The following FUZ variants were observed in gnomAD, a reference collection of about 807,000 sequenced individuals.
The protein encoded by FUZ is protein fuzzy homolog.
A neutral mutation model predicts 43.1 loss-of-function variants in FUZ; 31 were observed. That is an observed-to-expected ratio of 0.72 (90% CI 0.54 to 0.97). The LOEUF (loss-of-function observed/expected upper bound fraction) is 0.97. FUZ is among the 50% of genes least tolerant of loss of function. FUZ has a pLI of 0.00. For synonymous variants in FUZ, 274 were observed against 250.0 expected, an observed-to-expected ratio of 1.10 and a Z score of -0.91; for missense variants, 539 against 543.8, an observed-to-expected ratio of 0.99 and a Z score of 0.09.
chr19:49,811,248 G>T, intron 5 of FUZ, 115 bp downstream of exon 5: 1 of 737,574 alleles, frequency 1.4e-6, no homozygotes, highest in Non-Finnish European at 2.5e-6. Flanking sequence ...GTGGGGATAG[G>T]ACTGGAAGCT....
rs1326141309 is a variant in FUZ, at chr19:49,807,391, G to A, written c.1034-17C>T. ...GCCCTGGCTCTGGAGAAAGAACAGGGGGCACTGACATGACAAGTAGCATGC... is the reference window on the plus strand; with the variant it reads ...GCCCTGGCTCTGGAGAAAGAACAGGAGGCACTGACATGACAAGTAGCATGC... On this transcript the variant is annotated splice_polypyrimidine_tract_variant and intron_variant, in intron 10 of 10. Transcript: ENST00000313777. 1 of 1,603,094 alleles carries A rather than the reference G, an allele frequency of 6.2e-7. No homozygotes were observed. Among genetic ancestry groups the A allele is most frequent in the Non-Finnish European group, 8.5e-7 (1 of 1,174,562 alleles).
chr19:49,808,941 A>T (rs941237584), intron 7 of FUZ, 118 bp from the exon 8 acceptor site: 11 of 922,858 alleles, frequency 1.2e-5, no homozygotes, highest in Non-Finnish European at 1.7e-5. Flanking sequence ...CTGCAAGAAG[A>T]GTGGAGGGCG....
At position 49,809,765 on chromosome 19, in the gene FUZ, C is replaced by T. The variant is rs1441801905; in HGVS notation, c.493-190G>A. 3.1e-6 allele frequency: 2 copies of T among 638,760 alleles called. No homozygotes were observed. Among genetic ancestry groups the T allele is most frequent in the African/African-American group, 3.6e-5 (2 of 55,474 alleles). 39.6% of individuals were successfully genotyped at this position (638,760 alleles called of 1,614,324 possible). A position where few individuals can be genotyped will look rare whatever the true frequency, so the allele number is the denominator to read the frequency against. Reference sequence around the variant, plus strand: ...TTCATACGAAGTCACATCCCCAACTCACACTGTGAAGTCTGTGAAATCTGA... The same window carrying T: ...TTCATACGAAGTCACATCCCCAACTTACACTGTGAAGTCTGTGAAATCTGA... On this transcript the variant is annotated intron_variant, in intron 5 of 10. Transcript: ENST00000313777. This position sits in a 1 kb window ranked among gnomAD's most constrained non-coding sequence, Gnocchi z 5.1.
At position 49,808,039 on chromosome 19, in the gene FUZ, C is replaced by T. The variant is rs74590950; in HGVS notation, c.1033+375G>A. 2,809 of 369,680 alleles carry T rather than the reference C, an allele frequency of 7.6e-3. 14 individuals carry two copies. The highest frequency in any genetic ancestry group is 0.014 in the Middle Eastern group (15 of 1,068). 22.9% of individuals were successfully genotyped at this position (369,680 alleles called of 1,614,324 possible). On this transcript the variant is annotated intron_variant, in intron 10 of 10. Coordinates refer to ENST00000313777, the MANE Select transcript of FUZ (RefSeq NM_025129.5). ...CAAGATCCCCTGTGTTCAAATATGG[C>T]TCTGCCACTCATGAGCTGAGCCTCA... is the stretch of plus-strand genomic sequence containing the variant.
chr19:49,808,371 G>A lies in FUZ; in HGVS notation c.1033+43C>T, dbSNP rs1209171896. 4 of 1,585,198 alleles carry A rather than the reference G, an allele frequency of 2.5e-6. No individual in the cohort carries two copies. The Admixed American group carries it at 5.3e-5, about 21-fold the overall frequency. ...CCCATTTTGTGCGACCTGGGACTCA[G>A]TGTCCCCGCCTGCGCAGTGGGAGCA... On this transcript the variant is annotated intron_variant, in intron 10 of 10. Coordinates refer to ENST00000313777, the MANE Select transcript of FUZ (RefSeq NM_025129.5).
At position 49,806,977 on chromosome 19, in the gene FUZ, C is replaced by A. The variant is rs767090213; in HGVS notation, c.*174G>T. The A allele has an allele frequency of 3.1e-5, 47 of 1,530,336 alleles. 1 individual carries two copies. Among genetic ancestry groups the A allele is most frequent in the South Asian group, 2.2e-4 (18 of 83,078 alleles). 94.8% of individuals were successfully genotyped at this position (1,530,336 alleles called of 1,614,324 possible). ...GGAGTCCCCCTCCCTCCCTTTCCCCCCCAAGCACAGAGGGGAGAGGGGCCA... is the reference window on the plus strand; with the variant it reads ...GGAGTCCCCCTCCCTCCCTTTCCCCACCAAGCACAGAGGGGAGAGGGGCCA... On this transcript the variant is annotated 3_prime_UTR_variant, in exon 11 of 11. Transcript: ENST00000313777.
In FUZ at chr19:49,809,083, T is replaced by C. The variant is rs540071352; in HGVS notation, c.786+80A>G. ...AGGCGGGGCTGGGGAAAGATGCCGC[T>C]GGCAGGGCAGGGTGGTGGGGAAGGG... On this transcript the variant is annotated intron_variant, in intron 7 of 10. Transcript: ENST00000313777. This position sits in a 1 kb window ranked among gnomAD's most constrained non-coding sequence, Gnocchi z 5.1. 454 of 1,335,102 alleles carry C rather than the reference T, an allele frequency of 3.4e-4. 2 individuals are homozygous for C. The East Asian group carries it at 0.01, about 30-fold the overall frequency. The allele number at this position is 1,335,102 out of a possible 1,614,324, so 82.7% of individuals were successfully genotyped here. A position where few individuals can be genotyped will look rare whatever the true frequency, so the allele number is the denominator to read the frequency against.
chr19:49,811,702 A>C lies in FUZ; in HGVS notation c.319-3T>G, dbSNP rs891241885. Reference sequence around the variant, plus strand: ...TCTTCAAGTCCCACAAGAAGGACCTAGAAGAATCATATAGGAGAGGATGGG... The same window carrying C: ...TCTTCAAGTCCCACAAGAAGGACCTCGAAGAATCATATAGGAGAGGATGGG... On this transcript the variant is annotated splice_region_variant and splice_polypyrimidine_tract_variant and intron_variant, in intron 3 of 10. Coordinates refer to ENST00000313777, the MANE Select transcript of FUZ (RefSeq NM_025129.5). The C allele has an allele frequency of 6.2e-7, 1 of 1,613,060 alleles. No homozygotes were observed. Among genetic ancestry groups the C allele is most frequent in the South Asian group, 1.1e-5 (1 of 91,056 alleles).
In FUZ at chr19:49,809,667, C is replaced by A; in HGVS notation, c.493-92G>T. 2 of 1,341,498 alleles carry A rather than the reference C, an allele frequency of 1.5e-6. No homozygotes were observed. Among genetic ancestry groups the A allele is most frequent in the South Asian group, 1.3e-5 (1 of 79,488 alleles). 83.1% of individuals were successfully genotyped at this position (1,341,498 alleles called of 1,614,324 possible). A position where few individuals can be genotyped will look rare whatever the true frequency, so the allele number is the denominator to read the frequency against. Reference sequence around the variant, plus strand: ...GATGGGCAGGGAATGGGGAGAAACCCACAGCCAGCCCCGAGCTCGCGCAGT... The same window carrying A: ...GATGGGCAGGGAATGGGGAGAAACCAACAGCCAGCCCCGAGCTCGCGCAGT... On this transcript the variant is annotated intron_variant, in intron 5 of 10. Transcript: ENST00000313777. The surrounding 1 kb of genome is among the most constrained non-coding windows in gnomAD (Gnocchi z 5.1).
rs753787459 is a variant in FUZ at position 49,807,225 on chromosome 19, A to ACAG, written c.1180_1182dup (p.Leu394dup). ...AGCCCATGGGTGGGACTCTGGGGAG[A>ACAG]CAGCAGCAGCAGCAGCCGCCGAAGC... On this transcript the variant is annotated inframe_insertion, in exon 11 of 11. Transcript: ENST00000313777. 34 of 1,610,178 alleles carry ACAG rather than the reference A, an allele frequency of 2.1e-5. No homozygotes were observed. Among genetic ancestry groups the ACAG allele is most frequent in the East Asian group, 2.3e-5 (1 of 44,210 alleles).
At chr19:49,812,838 C>A in intron 1 of FUZ, 102 bp from the exon 2 acceptor site, 1 of 1,481,834 alleles carries the variant, frequency 6.7e-7, no homozygotes, top group Non-Finnish European at 9.4e-7. Flanking sequence ...TTCCATATGA[C>A]CTGGCAGTGC....
chr19:49,808,780 G>T lies in FUZ; in HGVS notation c.830C>A (p.Ala277Asp). Reference protein sequence around the residue: ...WWQPLLDPLRACLPLGPRALP... With the variant: ...WWQPLLDPLRDCLPLGPRALP... ...CGCCCGGGGTCCCAACGGCAGACAG[G>T]CCCGCAACGGGTCCAGCAGTGGCTG... Residue 277 changes from alanine (A) to aspartate (D), a missense_variant, in exon 8 of 11, where the codon GCC becomes GAC. Physicochemically the swap from Ala to Asp is moderately radical, Grantham distance 126. Transcript: ENST00000313777. 6.4e-7 allele frequency: 1 copy of T among 1,562,594 alleles called. No homozygotes were observed. The highest frequency in any genetic ancestry group is 8.7e-7 in the Non-Finnish European group (1 of 1,153,550).
At chr19:49,810,580 G>A (rs893718295) in intron 5 of FUZ, among the ~76,000 whole-genome samples, 1 of 150,988 alleles carries the variant, frequency 6.6e-6, no homozygotes, top group Non-Finnish European at 1.5e-5. Flanking sequence ...TCGGGAGGTT[G>A]AGGCAGGGGA....
rs2123799583 is a variant in FUZ at position 49,808,842 on chromosome 19, T to C, written c.787-19A>G. 5 of 1,538,358 alleles carry C rather than the reference T, an allele frequency of 3.3e-6. No homozygotes were observed. The highest frequency in any genetic ancestry group is 2.6e-6 in the Non-Finnish European group (3 of 1,143,806). ...CCAGAAGCTGCAGGGGGCGTGGTCATTGTGAGGTCGTCATGGGAAGGCGGG... is the reference window on the plus strand; with the variant it reads ...CCAGAAGCTGCAGGGGGCGTGGTCACTGTGAGGTCGTCATGGGAAGGCGGG... On this transcript the variant is annotated intron_variant, in intron 7 of 10. Coordinates refer to ENST00000313777, the MANE Select transcript of FUZ (RefSeq NM_025129.5).
chr19:49,811,636 A>G lies in FUZ; in HGVS notation c.382T>C (p.Leu128=), dbSNP rs1378134205. The G allele has an allele frequency of 1.9e-6, 3 of 1,613,992 alleles. No homozygotes were observed. Among genetic ancestry groups the G allele is most frequent in the Admixed American group, 3.3e-5 (2 of 60,006 alleles). Residue 128 remains leucine, a synonymous_variant, in exon 4 of 11, where the codon TTG becomes CTG. Transcript: ENST00000313777. ...CTCATGTCCTGCAACCTCACCCTCA[A>G]GTCCTTCTTCAGTCTCTCCACGTTG... ...IRNVERLKKD[L]RASYCLIDSF...
In FUZ at chr19:49,807,349, T is replaced by A. The variant is rs746783193; in HGVS notation, c.1059A>T (p.Glu353Asp). The A allele has an allele frequency of 6.2e-7, 1 of 1,613,364 alleles. No homozygotes were observed. The highest frequency in any genetic ancestry group is 8.5e-7 in the Non-Finnish European group (1 of 1,179,872). Residue 353 changes from glutamate to aspartate, a missense_variant, in exon 11 of 11, where the codon GAA becomes GAT. Glu to Asp is a conservative substitution (Grantham distance 45). Coordinates refer to ENST00000313777, the MANE Select transcript of FUZ (RefSeq NM_025129.5). Reference protein sequence around the residue: ...PPEPGPPEKTEDEVYQAQLPR... With the variant: ...PPEPGPPEKTDDEVYQAQLPR... The stretch of plus-strand genomic sequence containing the variant: ...GCAGCTGGGCCTGGTAGACCTCATC[T>A]TCTGTCTTCTCTGGTGGCCCTGGCT...
upstream of FUZ, chr19:49,813,410 G>C (rs532897245): frequency 2.1e-6 from 1 of 469,500 alleles, no homozygotes; most frequent in African/African-American, 2.0e-5. Context: ...GAGGTAAAGA[G>C]AACCAAGAAG....
At chr19:49,807,662 C>T (rs2073463132) in intron 10 of FUZ, among the ~76,000 whole-genome samples, 1 of 152,166 alleles carries the variant, frequency 6.6e-6, no homozygotes, top group African/African-American at 2.4e-5. Flanking sequence ...GCGAACACGG[C>T]AGCAACACAG....
chr19:49,813,046 C>A lies in FUZ; in HGVS notation c.61G>T (p.Val21Phe), dbSNP rs1367426455. Residue 21 changes from valine (V) to phenylalanine (F), a missense_variant, in exon 1 of 11, where the codon GTC becomes TTC. Transcript: ENST00000313777. ...HLLCLAASSGVPLFCRSSRGG... is the reference protein window; with the variant it reads ...HLLCLAASSGFPLFCRSSRGG... ...CGACTGCTCCTGCAGAATAGGGGGA[C>A]CCCGCTGGAGGCCGCGAGGCACAGC... is the stretch of plus-strand genomic sequence containing the variant. 6.4e-7 allele frequency: 1 copy of A among 1,551,266 alleles called. No homozygotes were observed. Among genetic ancestry groups the A allele is most frequent in the Admixed American group, 2.0e-5 (1 of 51,004 alleles).
Sources: allele counts gnomAD v4.1 joint callset (sites outside exome capture counted in the v4.1 genomes callset), GRCh38; gene constraint gnomAD v4.1.1; non-coding constraint Gnocchi (gnomAD v3.1); transcripts MANE v1.5; gene names NCBI Gene and HGNC (gene_info 2026-07-23, HGNC 2026-07-21).